NFASC: variants seen among roughly 807,000 people sequenced by gnomAD.
NFASC encodes the protein neurofascin, also known as neurofascin homolog.
Under a neutral mutation model 147.5 loss-of-function variants are expected in NFASC, and 43 were observed. The observed-to-expected ratio is 0.29, with a 90% confidence interval of 0.23 to 0.38. The LOEUF (loss-of-function observed/expected upper bound fraction) is 0.38, where lower values mean the gene tolerates loss of function less well. Among genes scored for constraint, NFASC ranks in the 10% least tolerant of loss-of-function variants. The pLI is 1.00. For synonymous variants in NFASC, 622 were observed against 665.5 expected (o/e 0.93, Z 1.01); for missense variants, 1,320 against 1,689.0 (o/e 0.78, Z 3.83).
At chr1:204,858,874 C>T (rs925282625) in intron 1 of NFASC, among the ~76,000 whole-genome samples, 5 of 152,164 alleles carry the variant, frequency 3.3e-5, no homozygotes, top group African/African-American at 9.7e-5. Flanking sequence ...GATTCCCCAC[C>T]GCCAGGCATC....
chr1:204,947,351 A>G (rs549923726), intron 3 of NFASC, among the ~76,000 whole-genome samples: 2 of 152,040 alleles, frequency 1.3e-5, no homozygotes, highest in Admixed American at 1.3e-4. Context: ...AGCTGAGCCC[A>G]CCCTCCATCC....
chr1:204,833,910 T>C (rs555076709), intron 1 of NFASC, among the ~76,000 whole-genome samples: 38 of 152,290 alleles, frequency 2.5e-4, no homozygotes, highest in African/African-American at 8.4e-4. Context: ...GCAGGGCTGT[T>C]ACAGAGATTA....
chr1:204,830,990 G>C (rs575708093), intron 1 of NFASC, among the ~76,000 whole-genome samples: 1 of 152,146 alleles, frequency 6.6e-6, no homozygotes, highest in South Asian at 2.1e-4. Flanking sequence ...ACCCTTCTCC[G>C]TCGCCTCTCC....
chr1:204,936,582 G>A (rs1056357826), intron 2 of NFASC, among the ~76,000 whole-genome samples: 1 of 152,194 alleles, frequency 6.6e-6, no homozygotes, highest in African/African-American at 2.4e-5. Context: ...TGGCCATGAG[G>A]CTGGCTGCAC....
At chr1:204,876,682 A>G (rs923343585) in intron 1 of NFASC, among the ~76,000 whole-genome samples, 10 of 152,118 alleles carry the variant, frequency 6.6e-5, no homozygotes, top group African/African-American at 2.2e-4. Flanking sequence ...AGGAACCTCA[A>G]TAAGTGGAAT....
chr1:204,864,924 C>T (rs1007285107), intron 1 of NFASC, among the ~76,000 whole-genome samples: 2 of 152,164 alleles, frequency 1.3e-5, no homozygotes, highest in African/African-American at 4.8e-5. Context: ...TCCTTCAATA[C>T]ATAAAAGATT....
At chr1:204,874,461 G>A (rs2078348501) in intron 1 of NFASC, among the ~76,000 whole-genome samples, 1 of 152,180 alleles carries the variant, frequency 6.6e-6, no homozygotes, top group Non-Finnish European at 1.5e-5. Flanking sequence ...TGGCTGCTTG[G>A]GGGCCTGGGA....
At chr1:204,900,836 CAG>C (rs2149184362) in intron 1 of NFASC, among the ~76,000 whole-genome samples, 1 of 152,132 alleles carries the variant, frequency 6.6e-6, no homozygotes, top group South Asian at 2.1e-4. Context: ...GAGAAGAAAA[CAG>C]ATTAGTTTTT....
chr1:204,967,845 A>G (rs2150224668), intron 8 of NFASC: 1 of 170,210 alleles, frequency 5.9e-6, no homozygotes, highest in East Asian at 1.7e-4. Context: ...CTGCTTCCAG[A>G]TCCCTGCCTG....
Position 205,016,510 on chromosome 1 carries a change from C to T in NFASC, c.3694C>T (p.Pro1232Ser). ...EGNESSEATS[P>S]VNAIYSLA Reference sequence around the variant, plus strand: ...CAACGAAAGCTCAGAGGCCACGTCACCTGTCAATGCTATCTACTCTCTGGC... The same window carrying T: ...CAACGAAAGCTCAGAGGCCACGTCATCTGTCAATGCTATCTACTCTCTGGC... The change falls in exon 30 of 30, where the codon CCT becomes TCT. Residue 1232 changes from proline to serine, a missense_variant. This residue lies in a region of NFASC where 167 missense variants were observed against 233.8 expected (regional missense o/e 0.71). Transcript: ENST00000339876. This position sits in a 1 kb window ranked among gnomAD's most constrained non-coding sequence, Gnocchi z 5.1. 1.2e-6 allele frequency: 2 copies of T among 1,613,986 alleles called. No individual in the cohort carries two copies. The highest frequency in any genetic ancestry group is 1.7e-6 in the Non-Finnish European group (2 of 1,179,852).
At chr1:204,977,650 C>G in intron 16 of NFASC, 31 bp from the exon 17 acceptor site, 1 of 1,603,770 alleles carries the variant, frequency 6.2e-7, no homozygotes, top group Admixed American at 1.7e-5. Context: ...GGATAACCTG[C>G]TAACCTGGAT....
intron 1 of NFASC, among the ~76,000 whole-genome samples, chr1:204,836,316 G>A (rs1208903194): frequency 1.3e-5 from 2 of 152,094 alleles, no homozygotes; most frequent in Non-Finnish European, 1.5e-5. Context: ...ATATCTTACT[G>A]TGTGTTGACC....
chr1:204,845,390 G>A (rs574132112), intron 1 of NFASC, among the ~76,000 whole-genome samples: 55 of 151,124 alleles, frequency 3.6e-4, no homozygotes, highest in Non-Finnish European at 7.4e-4. Flanking sequence ...CCTGGGAGGC[G>A]GAGGTTGCAG....
chr1:204,995,160 A>G (rs2095819590), intron 24 of NFASC, among the ~76,000 whole-genome samples: 1 of 152,132 alleles, frequency 6.6e-6, no homozygotes. Context: ...GCCCAAGTAG[A>G]CAAAATAATT....
At position 204,960,091 on chromosome 1, in the gene NFASC, G is replaced by A. The variant is rs74138679; in HGVS notation, c.706+2265G>A. 8.4e-3 allele frequency among the ~76,000 whole-genome samples: 1,277 copies of A among 152,264 alleles called. 11 individuals carry two copies. The highest frequency in any genetic ancestry group is 0.058 in the Middle Eastern group (17 of 294). On this transcript the variant is annotated intron_variant, in intron 8 of 29. Coordinates refer to ENST00000339876, the MANE Select transcript of NFASC (RefSeq NM_001005388.3). ...TGGTGCTCTCTCTACTTTCCTGTCT[G>A]GAGAGGACACAGGCTTTCTCTTGTA... is the stretch of plus-strand genomic sequence containing the variant.
At chr1:204,834,600 G>A (rs555860079) in intron 1 of NFASC, among the ~76,000 whole-genome samples, 3 of 151,890 alleles carry the variant, frequency 2.0e-5, no homozygotes, top group Non-Finnish European at 2.9e-5. Context: ...CCCTCTCCCC[G>A]TTATTGTGAT....
intron 2 of NFASC, among the ~76,000 whole-genome samples, chr1:204,924,192 T>G (rs553811505): frequency 6.6e-6 from 1 of 151,978 alleles, no homozygotes; most frequent in Non-Finnish European, 1.5e-5. Flanking sequence ...CCCTCCCCCA[T>G]GCCTCCTGTA....
rs769396760 is a variant in NFASC at position 205,016,298 on chromosome 1, C to T, written c.3492-10C>T. The T allele has an allele frequency of 6.3e-7, 1 of 1,596,048 alleles. No homozygotes were observed. Among genetic ancestry groups the T allele is most frequent in the Non-Finnish European group, 8.6e-7 (1 of 1,163,666 alleles). The stretch of plus-strand genomic sequence containing the variant: ...ACCCCACCTGAGATTCTCTGTCTCT[C>T]TTTGGCCAGTGATGAGGACAACAAG... On this transcript the variant is annotated splice_polypyrimidine_tract_variant and intron_variant, in intron 29 of 29. Transcript: ENST00000339876. The surrounding 1 kb of genome is among the most constrained non-coding windows in gnomAD (Gnocchi z 5.1).
rs199977828 is a variant in NFASC, at chr1:204,846,952, C to T, written c.-200+18170C>T. Reference sequence around the variant, plus strand: ...AGACTGCTGCCTGTGTGTGTGTACGCGTGTGTGTGTGTGTGTGTGTGTGTG... The same window carrying T: ...AGACTGCTGCCTGTGTGTGTGTACGTGTGTGTGTGTGTGTGTGTGTGTGTG... On this transcript the variant is annotated intron_variant, in intron 1 of 29. Transcript: ENST00000339876. 7.2e-5 allele frequency among the ~76,000 whole-genome samples: 9 copies of T among 124,650 alleles called. No homozygotes were observed. The South Asian group carries it at 7.6e-4, about 10-fold the overall frequency. The allele number at this position is 124,650 out of a possible 152,430, so 81.8% of individuals were successfully genotyped here.
Sources: allele counts gnomAD v4.1 joint callset (sites outside exome capture counted in the v4.1 genomes callset), GRCh38; gene constraint gnomAD v4.1.1; regional missense constraint gnomAD v4.1.1; non-coding constraint Gnocchi (gnomAD v3.1); transcripts MANE v1.5; gene names NCBI Gene and HGNC (gene_info 2026-07-23, HGNC 2026-07-21).